The following DMD variants were observed in gnomAD, a reference collection of about 807,000 sequenced individuals.
DMD encodes dystrophin, also known as mutant dystrophin.
Under a neutral mutation model 330.1 loss-of-function variants are expected in DMD, and 63 were observed. That is an observed-to-expected ratio of 0.19 (90% CI 0.16 to 0.24). DMD has a LOEUF of 0.24. Among genes scored for constraint, DMD ranks in the 10% least tolerant of loss-of-function variants. The pLI is 1.00. For missense variants in DMD, 3,344 were observed against 2,684.1 expected (o/e 1.25, Z -5.43); for synonymous variants, 1,223 against 959.8 (o/e 1.27, Z -5.07).
intron 50 of DMD, among the ~76,000 whole-genome samples, chrX:31,802,516 T>C (rs2092116547): frequency 9.0e-6 from 1 of 111,420 alleles, no homozygotes; most frequent in South Asian, 3.8e-4. Context: ...AATCTAAAAA[T>C]GAAAGCTGAA....
At chrX:32,438,185 A>G in intron 29 of DMD, 56 bp downstream of exon 29, 1 of 1,147,958 alleles carries the variant, frequency 8.7e-7, no homozygotes. Flanking sequence ...AGAGGCCTGT[A>G]TCTGCTATAC....
intron 6 of DMD, 50 bp from the exon 7 acceptor site, chrX:32,809,661 C>A: frequency 1.9e-6 from 2 of 1,046,190 alleles, no homozygotes; most frequent in South Asian, 3.8e-5. Context: ...ATAAATCAAT[C>A]TAGAATGTTC....
chrX:31,812,190 G>T (rs1003249922), intron 50 of DMD, among the ~76,000 whole-genome samples: 29 of 109,860 alleles, frequency 2.6e-4, no homozygotes, highest in African/African-American at 8.6e-4. Flanking sequence ...AGAGGTGAGT[G>T]AAGTTCAAAT....
chrX:32,619,486 T>C (rs1314242392), intron 11 of DMD, among the ~76,000 whole-genome samples: 1 of 111,802 alleles, frequency 8.9e-6, no homozygotes, highest in African/African-American at 3.2e-5. Context: ...ATATGTAAGG[T>C]AATGCATATG....
chrX:31,406,125 T>TA (rs1424418643), intron 60 of DMD, among the ~76,000 whole-genome samples: 1 of 111,991 alleles, frequency 8.9e-6, no homozygotes, highest in Non-Finnish European at 1.9e-5. Context: ...ATTGTACCCA[T>TA]ACATTCAATA....
At chrX:33,127,698 T>A (rs753648316) in intron 1 of DMD, among the ~76,000 whole-genome samples, 1 of 31,609 alleles carries the variant, frequency 3.2e-5, no homozygotes, top group African/African-American at 9.5e-5. Flanking sequence ...TTTTCTATTG[T>A]TAATATAAAA....
intron 46 of DMD, among the ~76,000 whole-genome samples, chrX:31,931,303 C>G (rs2094849201): frequency 9.1e-6 from 1 of 109,767 alleles, no homozygotes; most frequent in South Asian, 3.9e-4. Context: ...GAAATAGATC[C>G]AAAAGAGCTG....
At chrX:31,658,187 T>A (rs766089515) in intron 53 of DMD, 43 bp from the exon 54 acceptor site, 37 of 1,185,590 alleles carry the variant, frequency 3.1e-5, no homozygotes, top group South Asian at 2.1e-4. Context: ...CAGTTTTTTT[T>A]ATGAAATCTC....
rs1431773590 is a variant in DMD, at chrX:32,618,978, T to C, written c.1332-4525A>G. Among the ~76,000 whole-genome samples, 3 of 111,250 alleles carry C rather than the reference T, an allele frequency of 2.7e-5. No homozygotes were observed. In the East Asian group the frequency reaches 8.5e-4, roughly 32 times the overall value. ...CTATGAATTATATATACAAAGGAAATGAAATCAGTATGTCAAAGAAATATC... is the reference window on the plus strand; with the variant it reads ...CTATGAATTATATATACAAAGGAAACGAAATCAGTATGTCAAAGAAATATC... On this transcript the variant is annotated intron_variant, in intron 11 of 78. Coordinates refer to ENST00000357033, the MANE Select transcript of DMD (RefSeq NM_004006.3).
intron 44 of DMD, among the ~76,000 whole-genome samples, chrX:32,030,451 T>C (rs186723819): frequency 4.1e-4 from 46 of 112,399 alleles, no homozygotes; most frequent in Admixed American, 6.6e-4. Context: ...GGAAATTATG[T>C]ACTCTACAAA....
At chrX:33,295,733 C>A (rs968718681) in intron 1 of DMD, among the ~76,000 whole-genome samples, 1 of 111,276 alleles carries the variant, frequency 9.0e-6, no homozygotes, top group South Asian at 3.7e-4. Flanking sequence ...AATAAACAGA[C>A]CCACATCTAC....
chrX:32,543,243 G>A (rs192064245), intron 17 of DMD, among the ~76,000 whole-genome samples: 11 of 103,601 alleles, frequency 1.1e-4, no homozygotes, highest in Non-Finnish European at 1.5e-4. Flanking sequence ...AAAAATTGCC[G>A]AAAACTTATG....
At chrX:31,403,928 T>C (rs962383240) in intron 60 of DMD, among the ~76,000 whole-genome samples, 6 of 111,861 alleles carry the variant, frequency 5.4e-5, no homozygotes, top group African/African-American at 1.9e-4. Flanking sequence ...TCAGAGATTA[T>C]ACAATGAAAA....
intron 2 of DMD, among the ~76,000 whole-genome samples, chrX:32,883,823 C>CCAAAAAAAAAA (rs1169678184): frequency 9.9e-5 from 3 of 30,339 alleles, no homozygotes; most frequent in African/African-American, 4.3e-4. Context: ...GACTCTGTTT[C>CCAAAAAAAAAA]AAAAAAAAAA....
At chrX:32,904,882 G>A (rs989874359) in intron 2 of DMD, among the ~76,000 whole-genome samples, 21 of 111,976 alleles carry the variant, frequency 1.9e-4, no homozygotes, top group African/African-American at 6.5e-4. Flanking sequence ...AGCCCATAAT[G>A]TTTTAATGGT....
At chrX:33,279,537 T>C (rs2148920003) in intron 1 of DMD, among the ~76,000 whole-genome samples, 1 of 110,700 alleles carries the variant, frequency 9.0e-6, no homozygotes, top group East Asian at 2.9e-4. Context: ...GTGGATACGT[T>C]TCTGTATGAA....
At chrX:32,862,156 TATG>T (rs1307254219) in intron 2 of DMD, among the ~76,000 whole-genome samples, 1 of 112,282 alleles carries the variant, frequency 8.9e-6, no homozygotes, top group Admixed American at 9.5e-5. Context: ...AAAATCTGGC[TATG>T]AAGATCATCA....
chrX:31,180,099 G>A (rs774631389), intron 69 of DMD, among the ~76,000 whole-genome samples: 8 of 111,107 alleles, frequency 7.2e-5, no homozygotes, highest in African/African-American at 1.6e-4. Context: ...ACGTGAAAAC[G>A]TCTTCAATAC....
intron 60 of DMD, among the ~76,000 whole-genome samples, chrX:31,394,529 C>T (rs1390274115): frequency 1.8e-5 from 2 of 112,122 alleles, no homozygotes; most frequent in East Asian, 2.8e-4. Flanking sequence ...TGCAGTGGCT[C>T]GTGCCTGTAA....
Sources: allele counts gnomAD v4.1 joint callset (sites outside exome capture counted in the v4.1 genomes callset), GRCh38; gene constraint gnomAD v4.1.1; transcripts MANE v1.5; gene names NCBI Gene and HGNC (gene_info 2026-07-23, HGNC 2026-07-21).